The following PPP3R1 variants were observed in gnomAD, a reference collection of about 807,000 sequenced individuals.
The protein encoded by PPP3R1 is calcineurin subunit B type 1.
In PPP3R1, 5 loss-of-function variants were observed where a neutral mutation model predicts 22.6. The ratio of observed to expected loss-of-function variants is 0.22; its 90% CI spans 0.12 to 0.46. PPP3R1 has a LOEUF of 0.46. PPP3R1 is among the 20% of genes least tolerant of loss of function. The pLI, the probability that PPP3R1 is intolerant of heterozygous loss-of-function variation, is 0.99. For synonymous variants in PPP3R1, 56 were observed against 65.2 expected, an observed-to-expected ratio of 0.86 and a Z score of 0.68; for missense variants, 61 against 203.2, an observed-to-expected ratio of 0.30 and a Z score of 4.25.
intron 1 of PPP3R1, among the ~76,000 whole-genome samples, chr2:68,251,662 TA>T (rs1670358637): frequency 2.0e-5 from 3 of 152,162 alleles, no homozygotes; most frequent in Non-Finnish European, 2.9e-5. Flanking sequence ...AAGTGGGTCT[TA>T]TGTAAAGTGC....
At chr2:68,191,935 C>T (rs542338497) in intron 2 of PPP3R1, among the ~76,000 whole-genome samples, 10 of 152,218 alleles carry the variant, frequency 6.6e-5, no homozygotes, top group South Asian at 4.1e-4. Flanking sequence ...AAATGCTTTT[C>T]GCTTATTTAT....
chr2:68,190,057 T>A (rs1041905784), intron 2 of PPP3R1, among the ~76,000 whole-genome samples: 1 of 151,084 alleles, frequency 6.6e-6, no homozygotes, highest in Non-Finnish European at 1.5e-5. Context: ...AATTAAAGCA[T>A]ATATTTTAAA....
At chr2:68,227,477 G>C (rs1669804979) in intron 1 of PPP3R1, among the ~76,000 whole-genome samples, 1 of 151,710 alleles carries the variant, frequency 6.6e-6, no homozygotes, top group Non-Finnish European at 1.5e-5. Flanking sequence ...AAGGTGTTTG[G>C]ATGCATGAAT....
intron 1 of PPP3R1, among the ~76,000 whole-genome samples, chr2:68,219,923 C>T (rs1362819060): frequency 6.6e-6 from 1 of 152,070 alleles, no homozygotes; most frequent in Non-Finnish European, 1.5e-5. Context: ...AATCCATTTG[C>T]CTGAAGTTCA....
At chr2:68,229,230 T>C (rs1475280009) in intron 1 of PPP3R1, among the ~76,000 whole-genome samples, 1 of 152,024 alleles carries the variant, frequency 6.6e-6, no homozygotes, top group Admixed American at 6.6e-5. Context: ...CAGGCTCGTC[T>C]CAAACTCCTG....
At chr2:68,246,067 CTTTTTTTTTTTT>C (rs746584723) in intron 1 of PPP3R1, among the ~76,000 whole-genome samples, 1 of 73,806 alleles carries the variant, frequency 1.4e-5, no homozygotes, top group Admixed American at 1.9e-4. Context: ...TTCTTTCTTT[CTTTTTTTTTTTT>C]TTTTTTTTTT....
rs568144238 is a variant in PPP3R1, at chr2:68,206,995, G to A, written c.43+10097C>T. ...CATGACAGGAATTAACCTAAATAGG[G>A]AAGTATAAATAGTGAAGTGTGTCAA... On this transcript the variant is annotated intron_variant, in intron 2 of 5. Coordinates refer to ENST00000234310, the MANE Select transcript of PPP3R1 (RefSeq NM_000945.4). Among the ~76,000 whole-genome samples, 4 of 151,768 alleles carry A rather than the reference G, an allele frequency of 2.6e-5. No homozygotes were observed. In the East Asian group the frequency reaches 7.7e-4, roughly 29 times the overall value.
intron 2 of PPP3R1, among the ~76,000 whole-genome samples, chr2:68,191,898 A>G (rs1213219993): frequency 6.6e-6 from 1 of 152,196 alleles, no homozygotes; most frequent in Non-Finnish European, 1.5e-5. Flanking sequence ...TACTCTTGAA[A>G]GAGAAAAAAT....
chr2:68,227,783 C>T (rs1669815581), intron 1 of PPP3R1, among the ~76,000 whole-genome samples: 1 of 151,802 alleles, frequency 6.6e-6, no homozygotes. Context: ...TTTCCTTCTA[C>T]TATTTAATGT....
At chr2:68,187,372 C>T in intron 3 of PPP3R1, 58 bp from the exon 4 acceptor site, 3 of 1,378,108 alleles carry the variant, frequency 2.2e-6, no homozygotes, top group Non-Finnish European at 3.0e-6. Flanking sequence ...ACACAAAAAA[C>T]ATATTTACCT....
At chr2:68,204,997 TTTC>T (rs1358170823) in intron 2 of PPP3R1, among the ~76,000 whole-genome samples, 1 of 152,238 alleles carries the variant, frequency 6.6e-6, no homozygotes, top group African/African-American at 2.4e-5. Context: ...TAAATAATTA[TTTC>T]TTATTGATTT....
intron 2 of PPP3R1, among the ~76,000 whole-genome samples, chr2:68,213,583 G>T (rs1480749890): frequency 6.6e-6 from 1 of 152,156 alleles, no homozygotes; most frequent in Non-Finnish European, 1.5e-5. Flanking sequence ...ATGAAATACT[G>T]CAAGAATTAC....
At chr2:68,190,255 TAAAAAAAA>T (rs34117344) in intron 2 of PPP3R1, among the ~76,000 whole-genome samples, 1 of 25,118 alleles carries the variant, frequency 4.0e-5, no homozygotes, top group Non-Finnish European at 8.4e-5. Flanking sequence ...AAGTTTCTCT[TAAAAAAAA>T]AAAAAAAAAA....
intron 2 of PPP3R1, among the ~76,000 whole-genome samples, chr2:68,199,954 C>G (rs1262536183): frequency 6.6e-6 from 1 of 152,040 alleles, no homozygotes; most frequent in Non-Finnish European, 1.5e-5. Flanking sequence ...CTTCTATTTT[C>G]TAAGAGTCTA....
chr2:68,236,008 AC>A (rs1670012612), intron 1 of PPP3R1, among the ~76,000 whole-genome samples: 1 of 152,126 alleles, frequency 6.6e-6, no homozygotes, highest in Non-Finnish European at 1.5e-5. Flanking sequence ...CCTACTCAGA[AC>A]CTTTGCCCAC....
intron 1 of PPP3R1, among the ~76,000 whole-genome samples, chr2:68,217,698 T>C (rs1323102063): frequency 6.6e-6 from 1 of 152,122 alleles, no homozygotes; most frequent in African/African-American, 2.4e-5. Context: ...TTGAAAACCA[T>C]TTCAAATTTT....
At chr2:68,228,570 TGTCA>T (rs1253009886) in intron 1 of PPP3R1, among the ~76,000 whole-genome samples, 1 of 152,196 alleles carries the variant, frequency 6.6e-6, no homozygotes, top group Non-Finnish European at 1.5e-5. Context: ...TCTTATTACT[TGTCA>T]GTCTTACTGA....
chr2:68,251,617 G>A (rs1261874545), intron 1 of PPP3R1, among the ~76,000 whole-genome samples: 1 of 151,554 alleles, frequency 6.6e-6, no homozygotes, highest in Non-Finnish European at 1.5e-5. Flanking sequence ...CTGGGAAACA[G>A]GCAGTGAGTG....
intron 1 of PPP3R1, among the ~76,000 whole-genome samples, chr2:68,232,247 GTGTGTGTGTGTGTGTGTGTA>G (rs1298707804): frequency 0.016 from 1,174 of 71,500 alleles, 28 homozygotes; most frequent in African/African-American, 0.09. Flanking sequence ...GTGTGTGTGT[GTGTGTGTGTGTGTGTGTGTA>G]TATATATATA....
Sources: gnomAD v4.1 joint callset for allele counts (sites outside exome capture counted in the v4.1 genomes callset) on GRCh38, gnomAD v4.1.1 for gene constraint, MANE v1.5 for transcripts, NCBI Gene and HGNC (gene_info 2026-07-23, HGNC 2026-07-21) for gene names.